The following ZNF75A variants were observed in gnomAD, a reference collection of about 807,000 sequenced individuals.
ZNF75A encodes the protein zinc finger protein 75A.
A neutral mutation model predicts 46.3 loss-of-function variants in ZNF75A; 36 were observed. That is an observed-to-expected ratio of 0.78 (90% CI 0.60 to 1.03). The LOEUF is 1.03. Among genes scored for constraint, ZNF75A ranks in the 50% least tolerant of loss-of-function variants. The probability of loss-of-function intolerance (pLI) is 0.00; values close to 1 mark genes in which losing one functional copy is unlikely to be tolerated. For missense variants in ZNF75A, 595 were observed against 551.3 expected (o/e 1.08, Z -0.79); for synonymous variants, 234 against 189.9 (o/e 1.23, Z -1.91).
Position 3,308,728 on chromosome 16 carries a change from G to A in ZNF75A, c.300G>A (p.Leu100=), listed in dbSNP as rs186235590. 4.0e-6 allele frequency: 4 copies of A among 991,684 alleles called. No homozygotes were observed. The highest frequency in any genetic ancestry group is 5.2e-4 in the Middle Eastern group (1 of 1,932). 61.4% of individuals were successfully genotyped at this position (991,684 alleles called of 1,614,324 possible). A position where few individuals can be genotyped will look rare whatever the true frequency, so the allele number is the denominator to read the frequency against. The change falls in exon 2 of 7, where the codon CTG becomes CTA. Residue 100 remains leucine (L), a synonymous_variant. Coordinates refer to ENST00000669516, the MANE Select transcript of ZNF75A (RefSeq NM_001302109.2). ...LLVLEQFLTI[L]PRETQTQMQK... Reference sequence around the variant, plus strand: ...TGCTGGAGCAGTTCCTGACTATTCTGCCCAGGGAGACACAGACCCAGATGC... The same window carrying A: ...TGCTGGAGCAGTTCCTGACTATTCTACCCAGGGAGACACAGACCCAGATGC...
chr16:3,317,809 A>T lies in ZNF75A; in HGVS notation c.1554A>T (p.Ile518=), dbSNP rs926280639. 1 of 1,613,908 alleles carries T rather than the reference A, an allele frequency of 6.2e-7. No homozygotes were observed. The highest frequency in any genetic ancestry group is 1.3e-5 in the African/African-American group (1 of 75,068). ...HTGEQPYTCS[I]CRRNFSRRSS... ...GTGAGCAGCCATATACTTGTAGCAT[A>T]TGCAGGAGAAACTTCAGCAGGCGGT... is the stretch of plus-strand genomic sequence containing the variant. Residue 518 remains isoleucine, a synonymous_variant, in exon 7 of 7, where the codon ATA becomes ATT. Coordinates refer to ENST00000669516, the MANE Select transcript of ZNF75A (RefSeq NM_001302109.2).
At chr16:3,307,301 C>T (rs376736549) in intron 1 of ZNF75A, 17 of 152,020 alleles carry the variant, frequency 1.1e-4, no homozygotes, top group African/African-American at 4.1e-4. Context: ...TCTTATTGTA[C>T]CTAATTTATA....
In ZNF75A at chr16:3,318,176, C is replaced by G; in HGVS notation, c.*307C>G. ...GTAACATGCATGTTTAATTGCATACCATTCTCTTCACAGTAGCAGGCTTAC... is the reference window on the plus strand; with the variant it reads ...GTAACATGCATGTTTAATTGCATACGATTCTCTTCACAGTAGCAGGCTTAC... On this transcript the variant is annotated 3_prime_UTR_variant, in exon 7 of 7. Coordinates refer to ENST00000669516, the MANE Select transcript of ZNF75A (RefSeq NM_001302109.2). The G allele has an allele frequency of 9.2e-7, 1 of 1,090,232 alleles. No homozygotes were observed. Among genetic ancestry groups the G allele is most frequent in the Non-Finnish European group, 1.1e-6 (1 of 897,428 alleles). 67.5% of individuals were successfully genotyped at this position (1,090,232 alleles called of 1,614,324 possible).
chr16:3,322,814 C>A (rs1596406158), downstream of ZNF75A: 1 of 695,268 alleles, frequency 1.4e-6, no homozygotes, highest in Non-Finnish European at 1.8e-6. Flanking sequence ...CCAGGAATCT[C>A]CAGATTCAAT....
intron 1 of ZNF75A, chr16:3,307,373 G>A (rs891967728): frequency 3.9e-5 from 6 of 152,172 alleles, no homozygotes; most frequent in African/African-American, 1.4e-4. Context: ...AGATGCTGTT[G>A]GGGGTTTTAG....
At chr16:3,316,478 A>G (rs1961213484) in intron 5 of ZNF75A, 1 of 153,076 alleles carries the variant, frequency 6.5e-6, no homozygotes, top group Non-Finnish European at 1.5e-5. Context: ...TAATTATAAT[A>G]GTAATCACTT....
At chr16:3,309,970 C>T (rs1054431157) in intron 2 of ZNF75A, among the ~76,000 whole-genome samples, 2 of 151,866 alleles carry the variant, frequency 1.3e-5, no homozygotes, top group Admixed American at 6.6e-5. Flanking sequence ...TGGCACATGC[C>T]TCTAGTCCCA....
Position 3,311,148 on chromosome 16 carries a change from G to A in ZNF75A, c.409-605G>A, listed in dbSNP as rs189117068. 5.9e-3 allele frequency among the ~76,000 whole-genome samples: 899 copies of A among 152,152 alleles called. 38 individuals carry two copies. The highest frequency in any genetic ancestry group is 0.055 in the Admixed American group (837 of 15,278). ...TGACAAGACAGTATTAGAATGAGTG[G>A]CCTGCCTGGCTGGGCACAATGGCTC... On this transcript the variant is annotated intron_variant, in intron 2 of 6. Transcript: ENST00000669516.
rs908329352 is a variant in ZNF75A at position 3,318,113 on chromosome 16, A to G, written c.*244A>G. The G allele has an allele frequency of 5.6e-6, 7 of 1,250,528 alleles. No individual in the cohort carries two copies. The East Asian group carries it at 1.7e-4, about 30-fold the overall frequency. The allele number at this position is 1,250,528 out of a possible 1,614,324, so 77.5% of individuals were successfully genotyped here. On this transcript the variant is annotated 3_prime_UTR_variant, in exon 7 of 7. Coordinates refer to ENST00000669516, the MANE Select transcript of ZNF75A (RefSeq NM_001302109.2). ...CCAGTCATTTTTGAACACATCCAAT[A>G]GAAACATTGGCAGCATGGTCTTCCA...
chr16:3,313,300 G>A, intron 5 of ZNF75A, 125 bp downstream of exon 5: 2 of 940,702 alleles, frequency 2.1e-6, no homozygotes, highest in East Asian at 2.6e-5. Context: ...TGGTATAGGG[G>A]AGGGTGTAGG....
chr16:3,316,106 C>T (rs1961184862), intron 5 of ZNF75A: 1 of 152,214 alleles, frequency 6.6e-6, no homozygotes, highest in South Asian at 2.1e-4. Flanking sequence ...ATCTTAAATA[C>T]TCTTTACCGT....
At chr16:3,310,452 C>G (rs796381824) in intron 2 of ZNF75A, among the ~76,000 whole-genome samples, 1 of 151,884 alleles carries the variant, frequency 6.6e-6, no homozygotes, top group Non-Finnish European at 1.5e-5. Flanking sequence ...TGGTGAAGCT[C>G]AGTCTCTACA....
downstream of ZNF75A, chr16:3,318,901 C>T (rs201422431): frequency 6.5e-6 from 6 of 929,260 alleles, no homozygotes; most frequent in Middle Eastern, 5.5e-4. Flanking sequence ...TTGTTCTGTC[C>T]TGTCCTGTAA....
At chr16:3,309,933 A>G (rs752259636) in intron 2 of ZNF75A, among the ~76,000 whole-genome samples, 7 of 151,886 alleles carry the variant, frequency 4.6e-5, no homozygotes, top group Non-Finnish European at 1.0e-4. Context: ...TTGCTATGAA[A>G]AAAAAAAAGA....
In ZNF75A at chr16:3,318,149, C is replaced by G. The variant is rs1225142714; in HGVS notation, c.*280C>G. 4 of 1,165,890 alleles carry G rather than the reference C, an allele frequency of 3.4e-6. No individual in the cohort carries two copies. In the African/African-American group the frequency reaches 4.8e-5, roughly 14 times the overall value. The allele number at this position is 1,165,890 out of a possible 1,614,324, so 72.2% of individuals were successfully genotyped here. Reference sequence around the variant, plus strand: ...CAGCATGGTCTTCCAAAACAAAAAGCAGTAACATGCATGTTTAATTGCATA... The same window carrying G: ...CAGCATGGTCTTCCAAAACAAAAAGGAGTAACATGCATGTTTAATTGCATA... On this transcript the variant is annotated 3_prime_UTR_variant, in exon 7 of 7. Coordinates refer to ENST00000669516, the MANE Select transcript of ZNF75A (RefSeq NM_001302109.2).
chr16:3,323,011 G>C (rs1318949915), downstream of ZNF75A: 7 of 795,092 alleles, frequency 8.8e-6, no homozygotes, highest in Non-Finnish European at 1.1e-5. Flanking sequence ...ACTGTGATGA[G>C]AGGTACTTGC....
rs767419986 is a variant in ZNF75A at position 3,317,779 on chromosome 16, C to A, written c.1524C>A (p.His508Gln). The A allele has an allele frequency of 6.2e-7, 1 of 1,614,172 alleles. No individual in the cohort carries two copies. Among genetic ancestry groups the A allele is most frequent in the Non-Finnish European group, 8.5e-7 (1 of 1,180,026 alleles). The change falls in exon 7 of 7, where the codon CAC becomes CAA. Residue 508 changes from histidine to glutamine, a missense_variant. Coordinates refer to ENST00000669516, the MANE Select transcript of ZNF75A (RefSeq NM_001302109.2). ...NSHLIKHRRT[H>Q]TGEQPYTCSI... Reference sequence around the variant, plus strand: ...ACCTTATTAAACACCGGAGAACCCACACAGGTGAGCAGCCATATACTTGTA... The same window carrying A: ...ACCTTATTAAACACCGGAGAACCCAAACAGGTGAGCAGCCATATACTTGTA...
Position 3,317,992 on chromosome 16 carries a change from T to TA in ZNF75A, c.*124dup. The TA allele has an allele frequency of 7.0e-7, 1 of 1,433,624 alleles. No homozygotes were observed. The highest frequency in any genetic ancestry group is 2.5e-5 in the East Asian group (1 of 40,292). 88.8% of individuals were successfully genotyped at this position (1,433,624 alleles called of 1,614,324 possible). ...TTTACATCAGAAAATGGGATAAACA[T>TA]ACATTTCACAGAAAATAATCAAGAC... On this transcript the variant is annotated 3_prime_UTR_variant, in exon 7 of 7. Coordinates refer to ENST00000669516, the MANE Select transcript of ZNF75A (RefSeq NM_001302109.2).
chr16:3,310,632 A>T (rs1407452409), intron 2 of ZNF75A: 19 of 980,952 alleles, frequency 1.9e-5, no homozygotes, highest in Non-Finnish European at 2.3e-5. Flanking sequence ...GTCTCAAAAC[A>T]AAACAAACAA....
Sources: allele counts gnomAD v4.1 joint callset (sites outside exome capture counted in the v4.1 genomes callset), GRCh38; gene constraint gnomAD v4.1.1; transcripts MANE v1.5; gene names NCBI Gene and HGNC (gene_info 2026-07-23, HGNC 2026-07-21).